The following GXYLT1 variants were observed in gnomAD, a reference collection of about 807,000 sequenced individuals.
GXYLT1 encodes glycosyltransferase 8 domain containing 3.
Under a neutral mutation model 54.0 loss-of-function variants are expected in GXYLT1, and 29 were observed. That is an observed-to-expected ratio of 0.54 (90% CI 0.40 to 0.73). The LOEUF is 0.73. GXYLT1 is among the 30% of genes least tolerant of loss of function. The pLI, the probability that GXYLT1 is intolerant of heterozygous loss-of-function variation, is 0.00. For synonymous variants in GXYLT1, 176 were observed against 204.1 expected (o/e 0.86, Z 1.17); for missense variants, 490 against 553.4 (o/e 0.89, Z 1.15).
Position 42,144,656 on chromosome 12 carries a change from C to T in GXYLT1, c.-10G>A, listed in dbSNP as rs1171853223. The T allele has an allele frequency of 2.8e-6, 4 of 1,416,484 alleles. No homozygotes were observed. In the South Asian group the frequency reaches 5.6e-5, roughly 20 times the overall value. 87.7% of individuals were successfully genotyped at this position (1,416,484 alleles called of 1,614,324 possible). On this transcript the variant is annotated 5_prime_UTR_variant, in exon 1 of 8. Transcript: ENST00000398675. ...GCAGGTAGCGCCGCATCGCCCCGGC[C>T]GCGCTCCTCCTTCGCCGCCGCCGCC... is the stretch of plus-strand genomic sequence containing the variant.
At chr12:42,132,004 C>G (rs2065596137) in intron 1 of GXYLT1, among the ~76,000 whole-genome samples, 1 of 152,168 alleles carries the variant, frequency 6.6e-6, no homozygotes, top group Non-Finnish European at 1.5e-5. Context: ...CCCTGTCAAA[C>G]TCTACAACAG....
Position 42,144,613 on chromosome 12 carries a change from C to T in GXYLT1, c.34G>A (p.Val12Met). Residue 12 changes from valine (V) to methionine (M), a missense_variant, in exon 1 of 8, where the codon GTG becomes ATG. This residue lies in a region of GXYLT1 where 148 missense variants were observed against 210.7 expected (regional missense o/e 0.70). Coordinates refer to ENST00000398675, the MANE Select transcript of GXYLT1 (RefSeq NM_173601.2). ...AGGAGCGAGCAGAAGCCGCAGGCCA[C>T]ACACAGCACCACGACGCGCAGGTAG... is the stretch of plus-strand genomic sequence containing the variant. ...RRYLRVVVLCVACGFCSLLYA... is the reference protein window; with the variant it reads ...RRYLRVVVLCMACGFCSLLYA... The T allele has an allele frequency of 2.8e-6, 4 of 1,447,808 alleles. No homozygotes were observed. Among genetic ancestry groups the T allele is most frequent in the South Asian group, 1.4e-5 (1 of 70,856 alleles). 89.7% of individuals were successfully genotyped at this position (1,447,808 alleles called of 1,614,324 possible).
chr12:42,135,653 C>T (rs1458582817), intron 1 of GXYLT1, among the ~76,000 whole-genome samples: 2 of 152,178 alleles, frequency 1.3e-5, no homozygotes, highest in Admixed American at 6.5e-5. Flanking sequence ...TAGTGATACA[C>T]GCTACAGTGG....
At chr12:42,097,093 T>C (rs967277636) in intron 7 of GXYLT1, among the ~76,000 whole-genome samples, 1 of 152,114 alleles carries the variant, frequency 6.6e-6, no homozygotes, top group Non-Finnish European at 1.5e-5. Context: ...GGCAGATTAA[T>C]GTATTCCATC....
At chr12:42,103,588 AAAGG>A (rs1385002207) in intron 5 of GXYLT1, among the ~76,000 whole-genome samples, 1 of 152,240 alleles carries the variant, frequency 6.6e-6, no homozygotes, top group Non-Finnish European at 1.5e-5. Context: ...ATATATGAGA[AAAGG>A]AATTAACAAT....
At chr12:42,120,651 C>G (rs1332542530) in intron 2 of GXYLT1, among the ~76,000 whole-genome samples, 7 of 152,166 alleles carry the variant, frequency 4.6e-5, no homozygotes, top group Non-Finnish European at 8.8e-5. Flanking sequence ...CCATCTCAGC[C>G]TCCCAAGCAG....
At chr12:42,103,789 C>T (rs1353112836) in intron 5 of GXYLT1, among the ~76,000 whole-genome samples, 1 of 150,474 alleles carries the variant, frequency 6.6e-6, no homozygotes, top group East Asian at 1.9e-4. Context: ...TTTTCACAGT[C>T]ATTAATGTGC....
intron 2 of GXYLT1, among the ~76,000 whole-genome samples, chr12:42,126,272 C>G (rs1198847090): frequency 6.6e-6 from 1 of 152,010 alleles, no homozygotes; most frequent in Non-Finnish European, 1.5e-5. Context: ...CGGGGTTTCA[C>G]CATGTTGGCC....
At chr12:42,144,336 G>T in intron 1 of GXYLT1, 90 bp downstream of exon 1, 2 of 778,214 alleles carry the variant, frequency 2.6e-6, no homozygotes, top group South Asian at 2.4e-5. Flanking sequence ...CGGGAGACGC[G>T]GCACCCACCG....
At chr12:42,118,513 C>T (rs1163023474) in intron 3 of GXYLT1, among the ~76,000 whole-genome samples, 1 of 152,218 alleles carries the variant, frequency 6.6e-6, no homozygotes, top group Non-Finnish European at 1.5e-5. Flanking sequence ...AGGAGCACTC[C>T]CCACTTACAA....
intron 7 of GXYLT1, among the ~76,000 whole-genome samples, chr12:42,093,569 G>C (rs1351729014): frequency 6.6e-6 from 1 of 152,192 alleles, no homozygotes; most frequent in East Asian, 1.9e-4. Flanking sequence ...TGTGCTATTA[G>C]TGTACAAATG....
chr12:42,098,487 G>GT (rs1302022212), intron 5 of GXYLT1, among the ~76,000 whole-genome samples: 1 of 151,718 alleles, frequency 6.6e-6, no homozygotes, highest in Non-Finnish European at 1.5e-5. Flanking sequence ...ATAATTGGCA[G>GT]TTCAAATAGA....
At chr12:42,113,802 C>T (rs1332897639) in intron 3 of GXYLT1, among the ~76,000 whole-genome samples, 1 of 151,054 alleles carries the variant, frequency 6.6e-6, no homozygotes, top group Non-Finnish European at 1.5e-5. Flanking sequence ...ACAGAACTCT[C>T]CACCCCAAAT....
chr12:42,109,731 A>G lies in GXYLT1; in HGVS notation c.487-40T>C, dbSNP rs2065441666. 3 of 1,300,956 alleles carry G rather than the reference A, an allele frequency of 2.3e-6. No homozygotes were observed. In the Admixed American group the frequency reaches 7.2e-5, roughly 31 times the overall value. 80.6% of individuals were successfully genotyped at this position (1,300,956 alleles called of 1,614,324 possible). On this transcript the variant is annotated intron_variant, in intron 3 of 7. Transcript: ENST00000398675. ...AAAAAAACTGTTTAGTTTCACTCTG[A>G]ATTTTCTCTGTAAAATCATAAAACA...
At chr12:42,141,021 G>C (rs1451543624) in intron 1 of GXYLT1, among the ~76,000 whole-genome samples, 3 of 152,130 alleles carry the variant, frequency 2.0e-5, no homozygotes, top group African/African-American at 7.2e-5. Context: ...TCTCCTTCTA[G>C]AACAGCCACT....
At chr12:42,130,161 C>G (rs1049763581) in intron 1 of GXYLT1, among the ~76,000 whole-genome samples, 1 of 152,136 alleles carries the variant, frequency 6.6e-6, no homozygotes, top group African/African-American at 2.4e-5. Context: ...CTAAAATTTT[C>G]TTCACAGGCT....
rs1565563167 is a variant in GXYLT1 at position 42,087,118 on chromosome 12, TCACA to T, written c.*664_*667del. 1 of 151,980 alleles carries T rather than the reference TCACA, an allele frequency of 6.6e-6. No homozygotes were observed. The highest frequency in any genetic ancestry group is 1.5e-5 in the Non-Finnish European group (1 of 67,966). 9.4% of individuals were successfully genotyped at this position (151,980 alleles called of 1,614,324 possible). Reference sequence around the variant, plus strand: ...GAAACACTACATTTCTCACTCTCTCTCACACACAAACACGCACACACAGATTAAA... The same window carrying T: ...GAAACACTACATTTCTCACTCTCTCTCACAAACACGCACACACAGATTAAA... On this transcript the variant is annotated 3_prime_UTR_variant, in exon 8 of 8. Coordinates refer to ENST00000398675, the MANE Select transcript of GXYLT1 (RefSeq NM_173601.2).
chr12:42,119,878 A>G (rs1046458251), intron 2 of GXYLT1, among the ~76,000 whole-genome samples: 2 of 152,246 alleles, frequency 1.3e-5, no homozygotes, highest in African/African-American at 4.8e-5. Context: ...ATGTTGAATC[A>G]ATCACGTATT....
rs190137960 is a variant in GXYLT1, at chr12:42,100,704, A to C, written c.865-2671T>G. Reference sequence around the variant, plus strand: ...TAAAACAAGTTTTACTTAAGGAAACAATTTGAAAAGATAACTCTTAGAAAT... The same window carrying C: ...TAAAACAAGTTTTACTTAAGGAAACCATTTGAAAAGATAACTCTTAGAAAT... On this transcript the variant is annotated intron_variant, in intron 5 of 7. Coordinates refer to ENST00000398675, the MANE Select transcript of GXYLT1 (RefSeq NM_173601.2). 9.3e-3 allele frequency among the ~76,000 whole-genome samples: 1,420 copies of C among 152,198 alleles called. 18 individuals are homozygous for C. The highest frequency in any genetic ancestry group is 0.015 in the Non-Finnish European group (987 of 67,974).
Sources: allele counts gnomAD v4.1 joint callset (sites outside exome capture counted in the v4.1 genomes callset), GRCh38; gene constraint gnomAD v4.1.1; regional missense constraint gnomAD v4.1.1; transcripts MANE v1.5; gene names NCBI Gene and HGNC (gene_info 2026-07-23, HGNC 2026-07-21).